The following CACNA2D2 variants were observed in gnomAD, a reference collection of about 807,000 sequenced individuals.
CACNA2D2 encodes calcium voltage-gated channel auxiliary subunit alpha2delta 2, also known as voltage-dependent calcium channel subunit alpha-2/delta-2.
In CACNA2D2, 48 loss-of-function variants were observed where a neutral mutation model predicts 166.4. The ratio of observed to expected loss-of-function variants is 0.29; its 90% confidence interval spans 0.23 to 0.37. The LOEUF is 0.37. CACNA2D2 is among the 10% of genes least tolerant of loss of function. The probability of loss-of-function intolerance (pLI) is 1.00; values close to 1 mark genes in which losing one functional copy is unlikely to be tolerated. For synonymous variants in CACNA2D2, 561 were observed against 573.7 expected, an observed-to-expected ratio of 0.98 and a Z score of 0.32; for missense variants, 1,122 against 1,433.0, an observed-to-expected ratio of 0.78 and a Z score of 3.50.
At chr3:50,472,432 C>A (rs918663121) in intron 2 of CACNA2D2, among the ~76,000 whole-genome samples, 1 of 152,162 alleles carries the variant, frequency 6.6e-6, no homozygotes, top group African/African-American at 2.4e-5. Flanking sequence ...ATGGCTGTCT[C>A]GGGTTCCTGC....
Position 50,380,899 on chromosome 3 carries a change from G to C in CACNA2D2, c.785-94C>G. On this transcript the variant is annotated intron_variant, in intron 7 of 37. Coordinates refer to ENST00000424201, the MANE Select transcript of CACNA2D2 (RefSeq NM_006030.4). The surrounding 1 kb of genome is among the most constrained non-coding windows in gnomAD (Gnocchi z 4.9). Reference sequence around the variant, plus strand: ...GGCGACTGGGCTGCCACAGACTACAGAGAAGCCACCCCGCCCCATGCCCCC... The same window carrying C: ...GGCGACTGGGCTGCCACAGACTACACAGAAGCCACCCCGCCCCATGCCCCC... 1.3e-6 allele frequency: 2 copies of C among 1,559,446 alleles called. No homozygotes were observed. The highest frequency in any genetic ancestry group is 1.7e-6 in the Non-Finnish European group (2 of 1,147,782).
chr3:50,381,672 C>T (rs1705321939), intron 6 of CACNA2D2, among the ~76,000 whole-genome samples: 1 of 150,668 alleles, frequency 6.6e-6, no homozygotes, highest in Non-Finnish European at 1.5e-5. Context: ...CTTGGAGGGG[C>T]AGGGGCATGC....
chr3:50,423,600 C>T (rs1426709638), intron 3 of CACNA2D2, among the ~76,000 whole-genome samples: 1 of 152,372 alleles, frequency 6.6e-6, no homozygotes, highest in East Asian at 1.9e-4. Context: ...GGACCCTAGG[C>T]ATCTGGGAGG....
chr3:50,434,572 T>C (rs1461934532), intron 2 of CACNA2D2, 143 bp from the exon 3 acceptor site: 5 of 674,358 alleles, frequency 7.4e-6, no homozygotes, highest in Non-Finnish European at 1.3e-5. Context: ...AGAGAGGGCA[T>C]GGAAGGCCAG....
chr3:50,483,399 C>T (rs148635104), intron 1 of CACNA2D2, among the ~76,000 whole-genome samples: 20 of 152,310 alleles, frequency 1.3e-4, no homozygotes, highest in South Asian at 6.2e-4. Context: ...TGCCTTGGGA[C>T]CCTGCCCAGA....
chr3:50,382,466 C>T lies in CACNA2D2; in HGVS notation c.653-1340G>A, dbSNP rs587666979. ...TCTCCCTCGGGCGGCCCCTCTGGAG[C>T]GTGGAGCCTCTGCTGCGTCCGCTGC... is the stretch of plus-strand genomic sequence containing the variant. On this transcript the variant is annotated intron_variant, in intron 6 of 37. Coordinates refer to ENST00000424201, the MANE Select transcript of CACNA2D2 (RefSeq NM_006030.4). Among the ~76,000 whole-genome samples, 14 of 152,346 alleles carry T rather than the reference C, an allele frequency of 9.2e-5. No homozygotes were observed. The South Asian group carries it at 2.7e-3, about 29-fold the overall frequency.
intron 3 of CACNA2D2, among the ~76,000 whole-genome samples, chr3:50,413,396 C>A (rs1456930400): frequency 6.6e-6 from 1 of 152,150 alleles, no homozygotes; most frequent in East Asian, 1.9e-4. Context: ...TCTCTCCAAC[C>A]CCTGACCCTC....
chr3:50,450,642 T>G (rs1173188869), intron 2 of CACNA2D2, among the ~76,000 whole-genome samples: 1 of 152,174 alleles, frequency 6.6e-6, no homozygotes, highest in African/African-American at 2.4e-5. Context: ...CAATCTTCTT[T>G]TATTTTTCCA....
At chr3:50,374,523 T>C (rs587727210) in intron 22 of CACNA2D2, among the ~76,000 whole-genome samples, 60 of 151,970 alleles carry the variant, frequency 3.9e-4, no homozygotes, top group African/African-American at 1.4e-3. Flanking sequence ...ACAGAAACCA[T>C]GAAAGAATGG....
chr3:50,478,488 G>T (rs372172755), intron 1 of CACNA2D2, among the ~76,000 whole-genome samples: 3 of 152,246 alleles, frequency 2.0e-5, no homozygotes, highest in African/African-American at 7.2e-5. Context: ...ACTCACTGGT[G>T]TAGAGAACAA....
At chr3:50,482,284 G>A (rs768197755) in intron 1 of CACNA2D2, among the ~76,000 whole-genome samples, 4 of 152,170 alleles carry the variant, frequency 2.6e-5, no homozygotes, top group Non-Finnish European at 5.9e-5. Context: ...ACTCCAGGAC[G>A]GTGGCATCTC....
At chr3:50,399,697 C>A (rs925195981) in intron 3 of CACNA2D2, among the ~76,000 whole-genome samples, 14 of 152,166 alleles carry the variant, frequency 9.2e-5, no homozygotes, top group African/African-American at 3.1e-4. Context: ...CTGCCCCAGA[C>A]CCCTAGGTAG....
chr3:50,446,152 GGCACATGCT>G (rs1474591295), intron 2 of CACNA2D2, among the ~76,000 whole-genome samples: 1 of 152,228 alleles, frequency 6.6e-6, no homozygotes, highest in African/African-American at 2.4e-5. Context: ...GCTCAGGGGA[GGCACATGCT>G]GTGCCTGGGC....
In CACNA2D2 at chr3:50,378,998, G is replaced by A. The variant is rs201656322; in HGVS notation, c.1261-5C>T. 1.9e-6 allele frequency: 3 copies of A among 1,613,804 alleles called. No individual in the cohort carries two copies. Among genetic ancestry groups the A allele is most frequent in the Non-Finnish European group, 2.5e-6 (3 of 1,180,026 alleles). ...GGAGAAAGTAAACACGCGCACCTGT[G>A]GGGGGTTTGAGGTTACTGCTGTGGC... On this transcript the variant is annotated splice_polypyrimidine_tract_variant and splice_region_variant and intron_variant, in intron 12 of 37. Transcript: ENST00000424201.
At chr3:50,486,287 C>T (rs1575767055) in intron 1 of CACNA2D2, among the ~76,000 whole-genome samples, 1 of 152,180 alleles carries the variant, frequency 6.6e-6, no homozygotes, top group East Asian at 1.9e-4. Context: ...CTGCCCCACA[C>T]CAGGAGCTGA....
At chr3:50,388,763 G>A (rs587735091) in intron 4 of CACNA2D2, among the ~76,000 whole-genome samples, 65 of 152,346 alleles carry the variant, frequency 4.3e-4, no homozygotes, top group African/African-American at 1.2e-3. Context: ...GACTGCCCAC[G>A]GGCTCCGTCA....
At chr3:50,399,682 T>C (rs1280968162) in intron 3 of CACNA2D2, among the ~76,000 whole-genome samples, 1 of 152,132 alleles carries the variant, frequency 6.6e-6, no homozygotes, top group African/African-American at 2.4e-5. Context: ...AAAGCATTAG[T>C]GTAGCTGCCC....
intron 2 of CACNA2D2, among the ~76,000 whole-genome samples, chr3:50,474,071 G>A (rs943224886): frequency 1.1e-4 from 17 of 152,204 alleles, no homozygotes; most frequent in Non-Finnish European, 2.2e-4. Context: ...CCTACCAAGA[G>A]GGGAAGTGGA....
Position 50,365,745 on chromosome 3 carries a change from ACTTCT to A in CACNA2D2, c.2915+60_2916-58del. ...TCAGCAGAGGACGATGCCATGCCCT[ACTTCT>A]CTTCTGAGCCCTCCCGGCCAGGGAG... is the stretch of plus-strand genomic sequence containing the variant. On this transcript the variant is annotated intron_variant, in intron 33 of 37. Transcript: ENST00000424201. This position sits in a 1 kb window ranked among gnomAD's most constrained non-coding sequence, Gnocchi z 4.5. The A allele has an allele frequency of 1.9e-6, 3 of 1,607,946 alleles. No homozygotes were observed. The highest frequency in any genetic ancestry group is 2.5e-6 in the Non-Finnish European group (3 of 1,177,378).
Sources: allele counts gnomAD v4.1 joint callset (sites outside exome capture counted in the v4.1 genomes callset), GRCh38; gene constraint gnomAD v4.1.1; non-coding constraint Gnocchi (gnomAD v3.1); transcripts MANE v1.5; gene names NCBI Gene and HGNC (gene_info 2026-07-23, HGNC 2026-07-21).